SCFD2: variants seen among roughly 807,000 people sequenced by gnomAD.
SCFD2 encodes the protein sec1 family domain-containing protein 2.
Under a neutral mutation model 58.9 loss-of-function variants are expected in SCFD2, and 54 were observed. The ratio of observed to expected loss-of-function variants is 0.92; its 90% CI spans 0.74 to 1.15. The LOEUF is 1.15. Among genes scored for constraint, SCFD2 ranks in the 50% most tolerant of loss-of-function variants. The pLI, the probability that SCFD2 is intolerant of heterozygous loss-of-function variation, is 0.00. For missense variants in SCFD2, 805 were observed against 836.6 expected, an observed-to-expected ratio of 0.96 and a Z score of 0.47; for synonymous variants, 321 against 335.9, an observed-to-expected ratio of 0.96 and a Z score of 0.49.
chr4:53,197,254 G>A (rs535385629), intron 4 of SCFD2, among the ~76,000 whole-genome samples: 3 of 152,234 alleles, frequency 2.0e-5, no homozygotes, highest in South Asian at 4.2e-4. Flanking sequence ...GGCCTGAACT[G>A]TTCATCAAAA....
chr4:53,132,544 C>T (rs1243889124), intron 5 of SCFD2, among the ~76,000 whole-genome samples: 1 of 152,206 alleles, frequency 6.6e-6, no homozygotes, highest in Non-Finnish European at 1.5e-5. Context: ...AAGTCTAATG[C>T]TGGCATGGCA....
At position 53,106,021 on chromosome 4, in the gene SCFD2, C is replaced by T. The variant is rs1333228157; in HGVS notation, c.1561+39312G>A. 2.0e-5 allele frequency among the ~76,000 whole-genome samples: 3 copies of T among 152,296 alleles called. No homozygotes were observed. In the East Asian group the frequency reaches 5.8e-4, roughly 29 times the overall value. On this transcript the variant is annotated intron_variant, in intron 5 of 8. Transcript: ENST00000401642. ...GGAACAGGCAGTAATCTTTGCTGTT[C>T]TGCAGGCTCCACTGGTGATACCCAG...
At chr4:53,248,444 C>T (rs1560409783) in intron 4 of SCFD2, among the ~76,000 whole-genome samples, 2 of 152,334 alleles carry the variant, frequency 1.3e-5, no homozygotes, top group East Asian at 3.9e-4. Flanking sequence ...GCCTGCCTGC[C>T]TCTGTAGGCT....
chr4:53,083,119 G>A (rs1724198764), intron 5 of SCFD2, among the ~76,000 whole-genome samples: 1 of 152,104 alleles, frequency 6.6e-6, no homozygotes, highest in Non-Finnish European at 1.5e-5. Flanking sequence ...TTGAAAATCG[G>A]TGATGGGTGA....
intron 5 of SCFD2, among the ~76,000 whole-genome samples, chr4:53,029,019 C>T (rs900750667): frequency 2.0e-5 from 3 of 152,154 alleles, no homozygotes; most frequent in African/African-American, 7.2e-5. Flanking sequence ...AAAAAGATGG[C>T]AGTTTCTAGT....
At chr4:53,174,263 C>T (rs1244389539) in intron 4 of SCFD2, among the ~76,000 whole-genome samples, 1 of 151,624 alleles carries the variant, frequency 6.6e-6, no homozygotes. Flanking sequence ...AGACATAATA[C>T]TAAATGAAAT....
At chr4:53,347,605 G>A (rs776312745) in intron 2 of SCFD2, among the ~76,000 whole-genome samples, 1 of 152,184 alleles carries the variant, frequency 6.6e-6, no homozygotes, top group African/African-American at 2.4e-5. Flanking sequence ...AAGGGAAATG[G>A]TGCCAAGTGT....
chr4:53,022,479 T>G (rs917933004), intron 5 of SCFD2, among the ~76,000 whole-genome samples: 2 of 152,220 alleles, frequency 1.3e-5, no homozygotes, highest in South Asian at 2.1e-4. Flanking sequence ...GTATTTATAG[T>G]ATCATAAAGA....
chr4:52,971,072 T>C (rs1721087410), intron 5 of SCFD2, among the ~76,000 whole-genome samples: 2 of 152,048 alleles, frequency 1.3e-5, no homozygotes, highest in South Asian at 4.2e-4. Flanking sequence ...GGGGAAAAAC[T>C]AGAGCAGAAA....
At chr4:52,879,941 A>G (rs2109441140) in intron 8 of SCFD2, among the ~76,000 whole-genome samples, 1 of 152,356 alleles carries the variant, frequency 6.6e-6, no homozygotes, top group Admixed American at 6.5e-5. Context: ...AGGCACCAAC[A>G]TGCATATTCA....
chr4:53,351,403 G>C (rs1304586746), intron 2 of SCFD2, among the ~76,000 whole-genome samples: 2 of 152,178 alleles, frequency 1.3e-5, no homozygotes, highest in African/African-American at 4.8e-5. Flanking sequence ...GATACTTGTA[G>C]AAATTATACT....
At chr4:53,321,926 A>C (rs1185224665) in intron 2 of SCFD2, among the ~76,000 whole-genome samples, 1 of 152,120 alleles carries the variant, frequency 6.6e-6, no homozygotes, top group African/African-American at 2.4e-5. Context: ...CATGGCTGTG[A>C]GCATCCTCCC....
At chr4:53,355,509 G>C (rs576191757) in intron 1 of SCFD2, among the ~76,000 whole-genome samples, 14 of 152,088 alleles carry the variant, frequency 9.2e-5, no homozygotes, top group Non-Finnish European at 7.4e-5. Context: ...CTAAGCTCTC[G>C]TAATCTCTTT....
At chr4:52,967,953 T>A (rs897640011) in intron 5 of SCFD2, among the ~76,000 whole-genome samples, 1 of 152,264 alleles carries the variant, frequency 6.6e-6, no homozygotes, top group Non-Finnish European at 1.5e-5. Context: ...AATATTTTTG[T>A]TAAATTTAAT....
intron 2 of SCFD2, among the ~76,000 whole-genome samples, chr4:53,314,891 T>C (rs1732809602): frequency 6.6e-6 from 1 of 152,208 alleles, no homozygotes; most frequent in Non-Finnish European, 1.5e-5. Context: ...TGTTTTAATC[T>C]GATCAAATCT....
At chr4:53,120,798 G>T (rs1043010653) in intron 5 of SCFD2, among the ~76,000 whole-genome samples, 32 of 152,094 alleles carry the variant, frequency 2.1e-4, no homozygotes, top group African/African-American at 7.2e-4. Context: ...CATGGCCAAG[G>T]TATCCCATCA....
chr4:53,240,645 G>C (rs1365514877), intron 4 of SCFD2, among the ~76,000 whole-genome samples: 1 of 152,200 alleles, frequency 6.6e-6, no homozygotes, highest in Non-Finnish European at 1.5e-5. Flanking sequence ...TCTGATTACT[G>C]TTTGAATCTC....
chr4:52,892,832 A>G (rs956495225), intron 7 of SCFD2, among the ~76,000 whole-genome samples: 2 of 152,148 alleles, frequency 1.3e-5, no homozygotes, highest in African/African-American at 2.4e-5. Flanking sequence ...AACCGCAACA[A>G]TGACTAGCAT....
intron 4 of SCFD2, among the ~76,000 whole-genome samples, chr4:53,155,706 G>C (rs1220139505): frequency 6.6e-6 from 1 of 152,166 alleles, no homozygotes; most frequent in East Asian, 1.9e-4. Flanking sequence ...TTTAAAGCCT[G>C]CTACTTAATA....
Sources: allele counts gnomAD v4.1 joint callset (sites outside exome capture counted in the v4.1 genomes callset), GRCh38; gene constraint gnomAD v4.1.1; transcripts MANE v1.5; gene names NCBI Gene and HGNC (gene_info 2026-07-23, HGNC 2026-07-21).